Variants in TRHDE observed in about 807,000 individuals in gnomAD.
TRHDE encodes the protein thyrotropin releasing hormone degrading enzyme.
In TRHDE, 72 loss-of-function variants were observed where a neutral mutation model predicts 125.7. That is an observed-to-expected ratio of 0.57 (90% confidence interval 0.47 to 0.70). TRHDE has a LOEUF of 0.70. Ranked by LOEUF, TRHDE falls within the 30% of genes least tolerant of loss-of-function variation. The pLI is 0.00. For synonymous variants in TRHDE, 509 were observed against 509.1 expected, an observed-to-expected ratio of 1.00 and a Z score of 0.00; for missense variants, 1,110 against 1,327.1, an observed-to-expected ratio of 0.84 and a Z score of 2.54.
chr12:72,549,775 CAA>C lies in TRHDE; in HGVS notation c.1788+7421_1788+7422del, dbSNP rs555552173. On this transcript the variant is annotated intron_variant, in intron 7 of 18. Transcript: ENST00000261180. ...TTAAAAATTCCATCTTTAATACAAACAAATACTTTAAAAAAAGTAAATAGCAT... is the reference window on the plus strand; with the variant it reads ...TTAAAAATTCCATCTTTAATACAAACATACTTTAAAAAAAGTAAATAGCAT... 5.3e-3 allele frequency among the ~76,000 whole-genome samples: 809 copies of C among 151,704 alleles called. 7 individuals are homozygous for C. The highest frequency in any genetic ancestry group is 0.012 in the Admixed American group (178 of 15,210).
chr12:72,167,659 G>A (rs1356559549), intron 2 of TRHDE: 1 of 152,214 alleles, frequency 6.6e-6, no homozygotes, highest in African/African-American at 2.4e-5. Context: ...CAGCATGTAA[G>A]TAACACACCT....
At chr12:72,276,327 G>T (rs564428989) in intron 1 of TRHDE, among the ~76,000 whole-genome samples, 1 of 152,044 alleles carries the variant, frequency 6.6e-6, no homozygotes, top group Non-Finnish European at 1.5e-5. Context: ...TTAATTATAG[G>T]GTAATGTCTG....
intron 3 of TRHDE, among the ~76,000 whole-genome samples, chr12:72,406,723 G>C (rs1873281053): frequency 6.6e-6 from 1 of 152,062 alleles, no homozygotes; most frequent in Non-Finnish European, 1.5e-5. Context: ...CAACAATTTA[G>C]TACAATTTAG....
intron 3 of TRHDE, among the ~76,000 whole-genome samples, chr12:72,424,227 G>C (rs768802795): frequency 1.3e-5 from 2 of 152,008 alleles, no homozygotes; most frequent in Non-Finnish European, 2.9e-5. Context: ...GATACTTGGT[G>C]GTCCTTGGCT....
intron 3 of TRHDE, among the ~76,000 whole-genome samples, chr12:72,445,806 G>A (rs1215911214): frequency 6.6e-6 from 1 of 151,950 alleles, no homozygotes; most frequent in Non-Finnish European, 1.5e-5. Context: ...ATATTTTACA[G>A]TTGGGAGATT....
intron 2 of TRHDE, among the ~76,000 whole-genome samples, chr12:72,125,643 A>AT (rs1566232181): frequency 1.3e-5 from 2 of 152,178 alleles, no homozygotes; most frequent in African/African-American, 2.4e-5. Context: ...AGTATGTAGC[A>AT]TTTTTTAATG....
chr12:72,502,773 G>A (rs990481892), intron 6 of TRHDE, among the ~76,000 whole-genome samples: 10 of 152,120 alleles, frequency 6.6e-5, no homozygotes, highest in African/African-American at 2.4e-4. Context: ...ATTCACTCAC[G>A]TAGTACCAAA....
At chr12:72,548,146 A>G (rs996552367) in intron 7 of TRHDE, among the ~76,000 whole-genome samples, 6 of 151,706 alleles carry the variant, frequency 4.0e-5, no homozygotes, top group Admixed American at 2.6e-4. Context: ...TTCCTCTTGG[A>G]CAGACTTTAG....
At chr12:72,582,218 G>A (rs576923328) in intron 12 of TRHDE, 1 of 974,432 alleles carries the variant, frequency 1.0e-6, no homozygotes, top group South Asian at 4.8e-5. Flanking sequence ...TTATTTACTT[G>A]TCTAACAGCT....
chr12:72,372,430 T>C (rs1408307398), intron 2 of TRHDE, among the ~76,000 whole-genome samples: 2 of 152,208 alleles, frequency 1.3e-5, no homozygotes, highest in Admixed American at 1.3e-4. Flanking sequence ...TTTGTTGCCA[T>C]TGCTTTTGGT....
intron 2 of TRHDE, among the ~76,000 whole-genome samples, chr12:72,292,149 C>T (rs762380980): frequency 6.6e-6 from 1 of 152,178 alleles, no homozygotes; most frequent in Non-Finnish European, 1.5e-5. Flanking sequence ...CTTTATGAGG[C>T]ATGCCCTTAA....
chr12:72,156,958 A>G (rs1026144293), intron 2 of TRHDE, among the ~76,000 whole-genome samples: 1 of 152,170 alleles, frequency 6.6e-6, no homozygotes, highest in Non-Finnish European at 1.5e-5. Flanking sequence ...GTAGCAGGAT[A>G]TGCACACATG....
At chr12:72,224,443 T>C (rs1222877647) in intron 2 of TRHDE, among the ~76,000 whole-genome samples, 1 of 152,096 alleles carries the variant, frequency 6.6e-6, no homozygotes, top group Non-Finnish European at 1.5e-5. Context: ...TTATATCCTA[T>C]TCATACCAAT....
At chr12:72,494,229 T>A (rs1224142465) in intron 5 of TRHDE, among the ~76,000 whole-genome samples, 1 of 152,056 alleles carries the variant, frequency 6.6e-6, no homozygotes, top group African/African-American at 2.4e-5. Context: ...CTTCTATGTA[T>A]CTGCCTTTTA....
chr12:72,658,346 T>A (rs1449794603), intron 18 of TRHDE, among the ~76,000 whole-genome samples: 1 of 152,194 alleles, frequency 6.6e-6, no homozygotes, highest in Non-Finnish European at 1.5e-5. Flanking sequence ...AATCTGGGAA[T>A]TAAAGACTCA....
intron 2 of TRHDE, among the ~76,000 whole-genome samples, chr12:72,195,104 C>T (rs929205679): frequency 1.3e-5 from 2 of 151,994 alleles, no homozygotes; most frequent in Admixed American, 6.6e-5. Context: ...GGGGAAAAGC[C>T]CCTCATAAAA....
intron 2 of TRHDE, among the ~76,000 whole-genome samples, chr12:72,372,766 A>G (rs1403496399): frequency 6.6e-6 from 1 of 152,174 alleles, no homozygotes; most frequent in Admixed American, 6.5e-5. Context: ...TTTTGGTACC[A>G]GTACCATGCT....
At chr12:72,518,181 TTCAATTCCTGGGTA>T (rs1878979602) in intron 6 of TRHDE, among the ~76,000 whole-genome samples, 1 of 150,782 alleles carries the variant, frequency 6.6e-6, no homozygotes, top group East Asian at 1.9e-4. Flanking sequence ...CAGAGCTGAG[TTCAATTCCTGGGTA>T]TCCTTGTTGA....
At chr12:72,088,580 G>T (rs1229473559) in intron 1 of TRHDE, among the ~76,000 whole-genome samples, 4 of 151,808 alleles carry the variant, frequency 2.6e-5, no homozygotes, top group Non-Finnish European at 5.9e-5. Context: ...GTGATCCTCA[G>T]CAGCATAACT....
Sources: allele counts gnomAD v4.1 joint callset (sites outside exome capture counted in the v4.1 genomes callset), GRCh38; gene constraint gnomAD v4.1.1; transcripts MANE v1.5; gene names NCBI Gene and HGNC (gene_info 2026-07-23, HGNC 2026-07-21).